The following ZSWIM5 variants were observed in gnomAD, a reference collection of about 807,000 sequenced individuals.
ZSWIM5 encodes the protein zinc finger SWIM domain-containing protein 5.
In ZSWIM5, 55 loss-of-function variants were observed where a neutral mutation model predicts 119.6. The observed-to-expected ratio is 0.46, with a 90% confidence interval of 0.37 to 0.58. The LOEUF is 0.58. Among genes scored for constraint, ZSWIM5 ranks in the 20% least tolerant of loss-of-function variants. The probability of loss-of-function intolerance (pLI) is 0.00; values close to 1 mark genes in which losing one functional copy is unlikely to be tolerated. For missense variants in ZSWIM5, 1,193 were observed against 1,512.8 expected, an observed-to-expected ratio of 0.79 and a Z score of 3.51; for synonymous variants, 537 against 606.9, an observed-to-expected ratio of 0.88 and a Z score of 1.69.
intron 1 of ZSWIM5, among the ~76,000 whole-genome samples, chr1:45,146,121 TAAC>T (rs1645757924): frequency 6.6e-6 from 1 of 152,114 alleles, no homozygotes; most frequent in Non-Finnish European, 1.5e-5. Context: ...AAATTGGAGT[TAAC>T]AAGTATAGAT....
intron 1 of ZSWIM5, among the ~76,000 whole-genome samples, chr1:45,150,048 T>C (rs532964293): frequency 6.6e-6 from 1 of 151,872 alleles, no homozygotes; most frequent in East Asian, 1.9e-4. Flanking sequence ...TGTACACCTG[T>C]AGTCCTAGCT....
intron 1 of ZSWIM5, among the ~76,000 whole-genome samples, chr1:45,194,348 G>T (rs1230691337): frequency 3.3e-5 from 5 of 152,048 alleles, no homozygotes; most frequent in African/African-American, 9.7e-5. Context: ...TAGTTCCATT[G>T]TATGTTTATA....
At chr1:45,125,101 T>A (rs1645612464) in intron 1 of ZSWIM5, among the ~76,000 whole-genome samples, 2 of 152,134 alleles carry the variant, frequency 1.3e-5, no homozygotes, top group South Asian at 4.1e-4. Context: ...AATCGATATT[T>A]ATAAAACATC....
At chr1:45,182,407 AAAACAAACAAAC>A (rs1220706124) in intron 1 of ZSWIM5, among the ~76,000 whole-genome samples, 3 of 126,396 alleles carry the variant, frequency 2.4e-5, no homozygotes, top group South Asian at 2.2e-4. Flanking sequence ...CCGTCTCAAA[AAAACAAACAAAC>A]AAACAAACAA....
At chr1:45,062,215 A>G (rs1186697040) in intron 2 of ZSWIM5, among the ~76,000 whole-genome samples, 2 of 152,214 alleles carry the variant, frequency 1.3e-5, no homozygotes, top group African/African-American at 2.4e-5. Flanking sequence ...CCATAAATCA[A>G]TACTCTATAG....
At chr1:45,102,040 A>C (rs1203668408) in intron 1 of ZSWIM5, among the ~76,000 whole-genome samples, 2 of 74,040 alleles carry the variant, frequency 2.7e-5, no homozygotes, top group African/African-American at 1.4e-4. Context: ...AAAGTATAAT[A>C]AAAAAAAAAA....
At chr1:45,114,880 A>G (rs1345724238) in intron 1 of ZSWIM5, among the ~76,000 whole-genome samples, 1 of 152,220 alleles carries the variant, frequency 6.6e-6, no homozygotes, top group African/African-American at 2.4e-5. Context: ...GCATCTGTTT[A>G]ACAAAGCACA....
chr1:45,150,417 G>T (rs1645789713), intron 1 of ZSWIM5, among the ~76,000 whole-genome samples: 1 of 152,078 alleles, frequency 6.6e-6, no homozygotes, highest in Admixed American at 6.6e-5. Flanking sequence ...TGCAGGTGCT[G>T]TGGAAAACAG....
chr1:45,089,417 A>G (rs114248008), intron 1 of ZSWIM5, among the ~76,000 whole-genome samples: 9 of 152,338 alleles, frequency 5.9e-5, no homozygotes, highest in Non-Finnish European at 1.3e-4. Flanking sequence ...AAAAAAGAAG[A>G]TATTTGTGAA....
At chr1:45,053,762 CA>C (rs10675427) in intron 4 of ZSWIM5, among the ~76,000 whole-genome samples, 1,135 of 92,012 alleles carry the variant, frequency 0.012, 3 homozygotes, top group Non-Finnish European at 0.018. Context: ...GACTCTGTTT[CA>C]AAAAAAAAAA....
intron 1 of ZSWIM5, among the ~76,000 whole-genome samples, chr1:45,149,218 C>T (rs181512297): frequency 6.6e-6 from 1 of 152,156 alleles, no homozygotes. Flanking sequence ...GGGCTAGGAT[C>T]GTACCACATC....
intron 1 of ZSWIM5, among the ~76,000 whole-genome samples, chr1:45,204,471 T>A (rs1646175471): frequency 6.6e-6 from 1 of 152,178 alleles, no homozygotes; most frequent in Admixed American, 6.5e-5. Context: ...GTCACTATAT[T>A]CTGGCACAGG....
chr1:45,083,727 G>T (rs1240652861), intron 2 of ZSWIM5, among the ~76,000 whole-genome samples: 2 of 152,140 alleles, frequency 1.3e-5, no homozygotes, highest in Non-Finnish European at 2.9e-5. Flanking sequence ...CTGCTATAAA[G>T]AAATAACTGA....
At chr1:45,097,728 G>T (rs887411148) in intron 1 of ZSWIM5, among the ~76,000 whole-genome samples, 8 of 151,902 alleles carry the variant, frequency 5.3e-5, no homozygotes, top group African/African-American at 1.9e-4. Flanking sequence ...TTGAGACAAG[G>T]TCTCACTCTG....
At chr1:45,056,668 G>A (rs750168474) in intron 4 of ZSWIM5, among the ~76,000 whole-genome samples, 21 of 152,002 alleles carry the variant, frequency 1.4e-4, no homozygotes, top group East Asian at 5.8e-4. Context: ...ATCCTGTAGA[G>A]AGAAAAAAGT....
chr1:45,200,640 A>T (rs1646153006), intron 1 of ZSWIM5, among the ~76,000 whole-genome samples: 1 of 152,176 alleles, frequency 6.6e-6, no homozygotes, highest in South Asian at 2.1e-4. Context: ...CACAGTCATC[A>T]TTTTTTATCA....
At chr1:45,112,533 C>G (rs1330492182) in intron 1 of ZSWIM5, among the ~76,000 whole-genome samples, 2 of 152,116 alleles carry the variant, frequency 1.3e-5, no homozygotes, top group Non-Finnish European at 2.9e-5. Flanking sequence ...CCCTGAAAAT[C>G]TGATAAAGGT....
At chr1:45,026,027 T>A (rs1279613487) in intron 11 of ZSWIM5, among the ~76,000 whole-genome samples, 1 of 152,182 alleles carries the variant, frequency 6.6e-6, no homozygotes, top group Non-Finnish European at 1.5e-5. Context: ...CCATTAAGTA[T>A]AATGGTAGTT....
chr1:45,087,909 G>T lies in ZSWIM5; in HGVS notation c.924C>A (p.Ser308=). ...TAQKLADEIL[S]SNSEINQVNG... is the part of the protein sequence containing the mutation. ...TCACTTGGTTGATTTCTGAGTTGGA[G>T]GATAGAATCTCATCTGCCAGTTTCT... Residue 308 remains serine, a synonymous_variant, in exon 2 of 14, where the codon TCC becomes TCA. Transcript: ENST00000359600. 1 of 1,611,102 alleles carries T rather than the reference G, an allele frequency of 6.2e-7. No homozygotes were observed. Among genetic ancestry groups the T allele is most frequent in the South Asian group, 1.1e-5 (1 of 90,466 alleles).
Sources: allele counts gnomAD v4.1 joint callset (sites outside exome capture counted in the v4.1 genomes callset), GRCh38; gene constraint gnomAD v4.1.1; transcripts MANE v1.5; gene names NCBI Gene and HGNC (gene_info 2026-07-23, HGNC 2026-07-21).